Variants in CNNM3 observed in about 807,000 individuals in gnomAD.
CNNM3 encodes the protein metal transporter CNNM3.
CNNM3 carries 47 observed loss-of-function variants against 57.1 expected under a neutral mutation model. The observed-to-expected ratio is 0.82, with a 90% CI of 0.65 to 1.05. The LOEUF (loss-of-function observed/expected upper bound fraction) is 1.05. Among genes scored for constraint, CNNM3 ranks in the 50% least tolerant of loss-of-function variants. The probability of loss-of-function intolerance (pLI) is 0.00; values close to 1 mark genes in which losing one functional copy is unlikely to be tolerated. For missense variants in CNNM3, 957 were observed against 973.7 expected (o/e 0.98, Z 0.23); for synonymous variants, 507 against 478.2 (o/e 1.06, Z -0.79).
intron 7 of CNNM3, among the ~76,000 whole-genome samples, chr2:96,830,636 T>C (rs2079586211): frequency 6.6e-6 from 1 of 152,148 alleles, no homozygotes. Flanking sequence ...TCGTGCTGCT[T>C]AAGTCTTGGA....
chr2:96,817,535 G>T, intron 1 of CNNM3, 33 bp downstream of exon 1: 12 of 1,569,794 alleles, frequency 7.6e-6, no homozygotes, highest in Non-Finnish European at 1.0e-5. Flanking sequence ...GGGGACGCCC[G>T]TGCGAGTGCC....
chr2:96,825,329 C>G, intron 2 of CNNM3, 128 bp downstream of exon 2: 1 of 1,172,926 alleles, frequency 8.5e-7, no homozygotes, highest in South Asian at 1.6e-5. Context: ...AGGCCCCCTT[C>G]TGAGCCCTGC....
At position 96,833,064 on chromosome 2, in the gene CNNM3, GA is replaced by G. The variant is rs2079632499; in HGVS notation, c.*449del. On this transcript the variant is annotated 3_prime_UTR_variant, in exon 8 of 8. Coordinates refer to ENST00000305510, the MANE Select transcript of CNNM3 (RefSeq NM_017623.5). Reference sequence around the variant, plus strand: ...CCTATCGCTGCTGGCAGCACTTTTTGAGCAAGCCGAGAGCACCCATTTTGGC... The same window carrying G: ...CCTATCGCTGCTGGCAGCACTTTTTGGCAAGCCGAGAGCACCCATTTTGGC... The G allele has an allele frequency of 1.1e-5, 14 of 1,272,012 alleles. No individual in the cohort carries two copies. The highest frequency in any genetic ancestry group is 1.5e-5 in the African/African-American group (1 of 65,498). The allele number at this position is 1,272,012 out of a possible 1,614,324, so 78.8% of individuals were successfully genotyped here. A position where few individuals can be genotyped will look rare whatever the true frequency, so the allele number is the denominator to read the frequency against.
chr2:96,819,774 G>A (rs1195199523), intron 1 of CNNM3, among the ~76,000 whole-genome samples: 1 of 152,136 alleles, frequency 6.6e-6, no homozygotes, highest in East Asian at 1.9e-4. Context: ...GAGATGGAAG[G>A]GTTGTCCTGT....
Position 96,817,005 on chromosome 2 carries a change from T to A in CNNM3, c.728T>A (p.Val243Glu). The A allele has an allele frequency of 7.3e-7, 1 of 1,371,412 alleles. No individual in the cohort carries two copies. Among genetic ancestry groups the A allele is most frequent in the Non-Finnish European group, 9.5e-7 (1 of 1,056,726 alleles). The allele number at this position is 1,371,412 out of a possible 1,614,324, so 85.0% of individuals were successfully genotyped here. A position where few individuals can be genotyped will look rare whatever the true frequency, so the allele number is the denominator to read the frequency against. The change falls in exon 1 of 8, where the codon GTG (valine) becomes GAG (glutamate). Residue 243 changes from valine (V) to glutamate (E), a missense_variant. Physicochemically the swap from Val to Glu is moderately radical, Grantham distance 121. Around this residue, in one of 2 missense-constraint regions of CNNM3, gnomAD observed 466 missense variants for 403.1 expected, o/e 1.16. Coordinates refer to ENST00000305510, the MANE Select transcript of CNNM3 (RefSeq NM_017623.5). ...GTGGGAGAGGTGGTGCCGGCCGCCGTGAGCGGGCGCTGGACGCTGGCGCTG... is the reference window on the plus strand; with the variant it reads ...GTGGGAGAGGTGGTGCCGGCCGCCGAGAGCGGGCGCTGGACGCTGGCGCTG... ...FLVGEVVPAA[V>E]SGRWTLALAP...
chr2:96,818,762 A>G (rs139201341), intron 1 of CNNM3, among the ~76,000 whole-genome samples: 46 of 152,278 alleles, frequency 3.0e-4, no homozygotes, highest in African/African-American at 1.1e-3. Context: ...GTTAACAGCC[A>G]TGCTTCTCAC....
Position 96,828,664 on chromosome 2 carries a change from C to T in CNNM3, c.1884C>T (p.Tyr628=), listed in dbSNP as rs2079551758. The T allele has an allele frequency of 6.2e-7, 1 of 1,614,186 alleles. No individual in the cohort carries two copies. The change falls in exon 6 of 8, where the codon TAC becomes TAT. Residue 628 remains tyrosine (Y), a synonymous_variant. Coordinates refer to ENST00000305510, the MANE Select transcript of CNNM3 (RefSeq NM_017623.5). ...GTHSSAYCPD[Y]TVRALSDLQL... ...ATTCATCTGCGTATTGTCCCGACTACACCGTGAGGGCGCTCTCTGATCTGC... is the reference window on the plus strand; with the variant it reads ...ATTCATCTGCGTATTGTCCCGACTATACCGTGAGGGCGCTCTCTGATCTGC...
intron 5 of CNNM3, 74 bp downstream of exon 5, chr2:96,828,269 T>A: frequency 8.2e-7 from 1 of 1,221,620 alleles, no homozygotes; most frequent in South Asian, 1.3e-5. Context: ...TCACTTGGGC[T>A]CTCAGTGCCC....
At chr2:96,819,170 G>A (rs1181388824) in intron 1 of CNNM3, among the ~76,000 whole-genome samples, 1 of 152,204 alleles carries the variant, frequency 6.6e-6, no homozygotes, top group Non-Finnish European at 1.5e-5. Flanking sequence ...ATGCCACCCT[G>A]CCCTGGGGAG....
chr2:96,828,449 T>C (rs2153355682), intron 5 of CNNM3, 118 bp from the exon 6 acceptor site: 3 of 1,293,236 alleles, frequency 2.3e-6, no homozygotes, highest in East Asian at 4.8e-5. Flanking sequence ...CCATGCACAT[T>C]GCCTCTCCAG....
chr2:96,817,806 C>A (rs2079347708), intron 1 of CNNM3, among the ~76,000 whole-genome samples: 1 of 152,014 alleles, frequency 6.6e-6, no homozygotes, highest in South Asian at 2.1e-4. Context: ...AATCCCCCAG[C>A]TCTTTCCCTC....
chr2:96,819,674 C>G (rs1055064257), intron 1 of CNNM3, among the ~76,000 whole-genome samples: 1 of 152,124 alleles, frequency 6.6e-6, no homozygotes. Context: ...TTTCTAGATT[C>G]TTTAAGAAAA....
At chr2:96,821,301 C>A (rs947206372) in intron 1 of CNNM3, among the ~76,000 whole-genome samples, 2 of 152,136 alleles carry the variant, frequency 1.3e-5, no homozygotes, top group African/African-American at 4.8e-5. Flanking sequence ...CATTCCTCCA[C>A]TTAGGAACAA....
intron 7 of CNNM3, chr2:96,831,900 C>T (rs1052406074): frequency 1.6e-5 from 14 of 876,558 alleles, no homozygotes; most frequent in African/African-American, 1.5e-4. Flanking sequence ...TGGTGCTGCC[C>T]GGAGCCAAGA....
At position 96,832,280 on chromosome 2, in the gene CNNM3, C is replaced by T. The variant is rs1037997127; in HGVS notation, c.2060-272C>T. 1.8e-5 allele frequency: 18 copies of T among 985,364 alleles called. No individual in the cohort carries two copies. In the Admixed American group the frequency reaches 7.4e-4, roughly 40 times the overall value. 61.0% of individuals were successfully genotyped at this position (985,364 alleles called of 1,614,324 possible). A position where few individuals can be genotyped will look rare whatever the true frequency, so the allele number is the denominator to read the frequency against. Reference sequence around the variant, plus strand: ...TTCCTTCCAGCACAGGGTGCTGTATCGTCCCGGGAAGGTGCCTCTTGTTCA... The same window carrying T: ...TTCCTTCCAGCACAGGGTGCTGTATTGTCCCGGGAAGGTGCCTCTTGTTCA... On this transcript the variant is annotated intron_variant, in intron 7 of 7. Transcript: ENST00000305510.
Position 96,827,750 on chromosome 2 carries a change from G to T in CNNM3, c.1539G>T (p.Pro513=), listed in dbSNP as rs201846760. ...GTGCAGAAGTGGATGTATTCAGCCC[G>T]CTGCGCATCTCTGAGAAGGTCCTGC... is the stretch of plus-strand genomic sequence containing the variant. ...FLSREVDVFS[P]LRISEKVLLH... Residue 513 remains proline, a synonymous_variant, in exon 4 of 8, where the codon CCG becomes CCT. Coordinates refer to ENST00000305510, the MANE Select transcript of CNNM3 (RefSeq NM_017623.5). 6.2e-7 allele frequency: 1 copy of T among 1,613,954 alleles called. No individual in the cohort carries two copies. The highest frequency in any genetic ancestry group is 8.5e-7 in the Non-Finnish European group (1 of 1,179,900).
chr2:96,819,761 G>A (rs776566540), intron 1 of CNNM3, among the ~76,000 whole-genome samples: 1 of 152,180 alleles, frequency 6.6e-6, no homozygotes, highest in Non-Finnish European at 1.5e-5. Context: ...ATTTGGAGCA[G>A]CGGAGATGGA....
chr2:96,826,753 C>T (rs2079512705), intron 2 of CNNM3, 80 bp from the exon 3 acceptor site: 2 of 1,538,668 alleles, frequency 1.3e-6, no homozygotes, highest in Non-Finnish European at 8.8e-7. Flanking sequence ...GAGGAAGGAG[C>T]AGGCGATGCA....
rs541059581 is a variant in CNNM3 at position 96,827,280 on chromosome 2, T to C, written c.1519+298T>C. Among the ~76,000 whole-genome samples, 110 of 150,750 alleles carry C rather than the reference T, an allele frequency of 7.3e-4. 3 individuals carry two copies. The South Asian group carries it at 0.022, about 30-fold the overall frequency. On this transcript the variant is annotated intron_variant, in intron 3 of 7. Transcript: ENST00000305510. ...CTGCCCAGTTCTTTTTTTTTTTTTT[T>C]TTTTAAAGATAGGGTCTCGCTCTGT...
Sources: allele counts gnomAD v4.1 joint callset (sites outside exome capture counted in the v4.1 genomes callset), GRCh38; gene constraint gnomAD v4.1.1; regional missense constraint gnomAD v4.1.1; transcripts MANE v1.5; gene names NCBI Gene and HGNC (gene_info 2026-07-23, HGNC 2026-07-21).